The following ACSM3 variants were observed in gnomAD, a reference collection of about 807,000 sequenced individuals.
ACSM3 encodes the protein acyl-coenzyme A synthetase ACSM3, mitochondrial.
ACSM3 carries 61 observed loss-of-function variants against 74.1 expected under a neutral mutation model. The observed-to-expected ratio is 0.82, with a 90% CI of 0.67 to 1.02. ACSM3 has a LOEUF of 1.02. Ranked by LOEUF, ACSM3 falls within the 50% of genes least tolerant of loss-of-function variation. ACSM3 has a pLI of 0.00. For synonymous variants in ACSM3, 213 were observed against 241.5 expected, an observed-to-expected ratio of 0.88 and a Z score of 1.09; for missense variants, 660 against 697.0, an observed-to-expected ratio of 0.95 and a Z score of 0.60.
chr16:20,724,140 C>A (rs1416760578), intron 1 of ACSM3, among the ~76,000 whole-genome samples: 1 of 152,140 alleles, frequency 6.6e-6, no homozygotes, highest in East Asian at 1.9e-4. Flanking sequence ...AATAGGGAAT[C>A]CTTTCCCCAT....
intron 1 of ACSM3, chr16:20,690,945 G>A (rs1487240049): frequency 6.4e-7 from 1 of 1,561,516 alleles, no homozygotes; most frequent in African/African-American, 1.4e-5. Context: ...AGCAAGATAA[G>A]GAAAGTGAGG....
At chr16:20,787,338 T>C (rs2080496802) in intron 9 of ACSM3, among the ~76,000 whole-genome samples, 1 of 152,136 alleles carries the variant, frequency 6.6e-6, no homozygotes, top group African/African-American at 2.4e-5. Context: ...AGTTGGGAAA[T>C]AGTAAGTTCG....
At chr16:20,706,597 C>T (rs1455369427) in intron 1 of ACSM3, among the ~76,000 whole-genome samples, 1 of 152,220 alleles carries the variant, frequency 6.6e-6, no homozygotes, top group East Asian at 1.9e-4. Context: ...AGGTGGTAAA[C>T]TCATTGATGG....
At chr16:20,783,848 C>G (rs1002744919) in intron 7 of ACSM3, among the ~76,000 whole-genome samples, 1 of 150,450 alleles carries the variant, frequency 6.6e-6, no homozygotes, top group Non-Finnish European at 1.5e-5. Context: ...TGCTCTGTTG[C>G]CCAGGCTGGA....
At chr16:20,772,650 T>A (rs921198064) in intron 2 of ACSM3, among the ~76,000 whole-genome samples, 1 of 152,216 alleles carries the variant, frequency 6.6e-6, no homozygotes, top group Non-Finnish European at 1.5e-5. Context: ...GGCACCTTTG[T>A]TGAAAATCTG....
At chr16:20,785,963 T>C (rs2080465327) in intron 8 of ACSM3, 115 bp from the exon 9 acceptor site, 1 of 628,594 alleles carries the variant, frequency 1.6e-6, no homozygotes. Flanking sequence ...AGCATTCATT[T>C]TGAGCCTAGT....
intron 1 of ACSM3, among the ~76,000 whole-genome samples, chr16:20,696,225 C>T (rs1368018013): frequency 3.3e-5 from 5 of 152,150 alleles, no homozygotes; most frequent in Admixed American, 1.3e-4. Context: ...ATTTCTCAGA[C>T]GTATCTTGGT....
intron 1 of ACSM3, among the ~76,000 whole-genome samples, chr16:20,716,448 C>T (rs908707170): frequency 6.6e-6 from 1 of 152,102 alleles, no homozygotes; most frequent in Non-Finnish European, 1.5e-5. Flanking sequence ...TAAAACTCCT[C>T]GTGGCTTGGA....
upstream of ACSM3, among the ~76,000 whole-genome samples, chr16:20,763,224 A>C (rs2080091696): frequency 6.6e-6 from 1 of 152,254 alleles, no homozygotes. Context: ...TCTTACCCTC[A>C]AGGGTGATAG....
chr16:20,787,141 T>G (rs537085872), intron 9 of ACSM3, among the ~76,000 whole-genome samples: 1 of 152,298 alleles, frequency 6.6e-6, no homozygotes, highest in East Asian at 1.9e-4. Flanking sequence ...CAAAGGAACT[T>G]AACACTAATT....
intron 1 of ACSM3, chr16:20,741,824 CG>C (rs1169921522): frequency 2.6e-5 from 40 of 1,540,056 alleles, no homozygotes; most frequent in Non-Finnish European, 3.3e-5. Context: ...CTGGTGACGT[CG>C]GATATGAGCG....
intron 9 of ACSM3, chr16:20,789,562 AC>A (rs755118665): frequency 1.9e-6 from 3 of 1,602,506 alleles, no homozygotes; most frequent in Non-Finnish European, 2.6e-6. Flanking sequence ...CCACAGCTAA[AC>A]AAAGTTTGAA....
chr16:20,697,109 G>A (rs1022858460), intron 1 of ACSM3, among the ~76,000 whole-genome samples: 1 of 152,014 alleles, frequency 6.6e-6, no homozygotes, highest in Non-Finnish European at 1.5e-5. Flanking sequence ...TTTTGAAACT[G>A]TCACCTGGAC....
At chr16:20,723,422 C>T (rs1413704128) in intron 1 of ACSM3, among the ~76,000 whole-genome samples, 7 of 152,252 alleles carry the variant, frequency 4.6e-5, no homozygotes, top group African/African-American at 9.6e-5. Context: ...CTGGGTCAAA[C>T]AGTATTTCTA....
At chr16:20,685,690 C>T (rs1486596096) in intron 1 of ACSM3, among the ~76,000 whole-genome samples, 1 of 151,800 alleles carries the variant, frequency 6.6e-6, no homozygotes, top group Non-Finnish European at 1.5e-5. Context: ...CATGGTGGTG[C>T]ATGCCTGTAA....
chr16:20,752,341 A>C (rs967191284), intron 2 of ACSM3, among the ~76,000 whole-genome samples: 3 of 148,990 alleles, frequency 2.0e-5, no homozygotes, highest in African/African-American at 7.4e-5. Context: ...TCTGTCTCTC[A>C]AAAAAAAAAA....
intron 1 of ACSM3, chr16:20,731,630 CT>C: frequency 2.9e-6 from 1 of 343,732 alleles, no homozygotes; most frequent in East Asian, 6.3e-5. Flanking sequence ...GTGGTGAAAG[CT>C]TTTGTTGTCT....
intron 1 of ACSM3, chr16:20,722,421 T>G (rs138204677): frequency 6.6e-6 from 1 of 152,328 alleles, no homozygotes; most frequent in African/African-American, 2.4e-5. Context: ...TTAAGGGACA[T>G]AGTGGAACTT....
At chr16:20,782,373 T>C (rs893256612) in intron 7 of ACSM3, among the ~76,000 whole-genome samples, 2 of 152,134 alleles carry the variant, frequency 1.3e-5, no homozygotes, top group African/African-American at 4.8e-5. Flanking sequence ...ACTCAATGTA[T>C]AGTCTTTTAT....
Sources: allele counts gnomAD v4.1 joint callset (sites outside exome capture counted in the v4.1 genomes callset), GRCh38; gene constraint gnomAD v4.1.1; transcripts MANE v1.5; gene names NCBI Gene and HGNC (gene_info 2026-07-23, HGNC 2026-07-21).